Variants in ANKS1B observed in about 807,000 individuals in gnomAD.
The protein encoded by ANKS1B is ankyrin repeat and sterile alpha motif domain-containing protein 1B.
Under a neutral mutation model 148.3 loss-of-function variants are expected in ANKS1B, and 36 were observed. The observed-to-expected ratio is 0.24, with a 90% CI of 0.19 to 0.32. The LOEUF is 0.32. Ranked by LOEUF, ANKS1B falls within the 10% of genes least tolerant of loss-of-function variation. The pLI, the probability that ANKS1B is intolerant of heterozygous loss-of-function variation, is 1.00. For synonymous variants in ANKS1B, 542 were observed against 560.8 expected (o/e 0.97, Z 0.47); for missense variants, 1,157 against 1,542.6 (o/e 0.75, Z 4.19).
intron 19 of ANKS1B, among the ~76,000 whole-genome samples, chr12:98,826,755 G>C (rs979751554): frequency 3.9e-5 from 6 of 152,148 alleles, no homozygotes; most frequent in African/African-American, 1.4e-4. Flanking sequence ...AAACTCCTTG[G>C]GAAAGAACTG....
chr12:99,825,238 C>T (rs896039837), intron 2 of ANKS1B, 71 bp downstream of exon 2: 11 of 1,301,186 alleles, frequency 8.5e-6, no homozygotes, highest in Admixed American at 2.0e-5. Flanking sequence ...AGAAAGGTAT[C>T]GTCAAGACAT....
At chr12:99,788,639 T>C (rs1213945483) in intron 4 of ANKS1B, among the ~76,000 whole-genome samples, 1 of 151,894 alleles carries the variant, frequency 6.6e-6, no homozygotes, top group Non-Finnish European at 1.5e-5. Flanking sequence ...TCGGCCACAG[T>C]AGGAAAAAAC....
intron 17 of ANKS1B, among the ~76,000 whole-genome samples, chr12:98,916,199 G>C (rs2099794161): frequency 6.6e-6 from 1 of 152,354 alleles, no homozygotes; most frequent in Middle Eastern, 3.4e-3. Flanking sequence ...ATTCACTGCT[G>C]AGCTACTGAG....
Position 99,522,803 on chromosome 12 carries a change from G to C in ANKS1B, c.1273-18162C>G, listed in dbSNP as rs1459526813. On this transcript the variant is annotated intron_variant, in intron 9 of 26. Coordinates refer to ENST00000683438, the MANE Select transcript of ANKS1B (RefSeq NM_001352186.2). ...ATATTTCACCTAGAAAGAGTGACAG[G>C]CCTCCACTCTTCAGTGCTAATTAGT... is the stretch of plus-strand genomic sequence containing the variant. 2.0e-5 allele frequency among the ~76,000 whole-genome samples: 3 copies of C among 152,124 alleles called. No homozygotes were observed. The East Asian group carries it at 5.8e-4, about 29-fold the overall frequency.
At chr12:99,607,856 G>A (rs1032744056) in intron 9 of ANKS1B, among the ~76,000 whole-genome samples, 2 of 152,054 alleles carry the variant, frequency 1.3e-5, no homozygotes, top group African/African-American at 4.8e-5. Context: ...GTTTTTTCAT[G>A]TAGTTTGAGG....
chr12:99,052,402 T>C (rs546733952), intron 17 of ANKS1B, among the ~76,000 whole-genome samples: 2 of 152,300 alleles, frequency 1.3e-5, no homozygotes, highest in African/African-American at 4.8e-5. Flanking sequence ...AGCAGTCTCT[T>C]GGAGTGTGGG....
intron 9 of ANKS1B, among the ~76,000 whole-genome samples, chr12:99,513,498 T>C (rs1043533108): frequency 1.3e-5 from 2 of 152,088 alleles, no homozygotes; most frequent in African/African-American, 4.8e-5. Context: ...AAGGCATTAA[T>C]TATTAACTTC....
intron 1 of ANKS1B, among the ~76,000 whole-genome samples, chr12:99,963,968 CT>C (rs2095451749): frequency 1.3e-5 from 2 of 152,156 alleles, no homozygotes; most frequent in Admixed American, 6.5e-5. Context: ...TTTTATAACT[CT>C]TTTTCGGCAT....
chr12:98,745,954 C>T (rs972688791), intron 26 of ANKS1B, 105 bp from the exon 27 acceptor site: 2 of 1,257,372 alleles, frequency 1.6e-6, no homozygotes, highest in East Asian at 2.7e-5. Context: ...GCCCCAGGCG[C>T]GGGGCGGCGA....
At chr12:99,592,218 T>G in intron 9 of ANKS1B, among the ~76,000 whole-genome samples, 1 of 152,176 alleles carries the variant, frequency 6.6e-6, no homozygotes, top group Non-Finnish European at 1.5e-5. Flanking sequence ...TAGAACCATC[T>G]TGGTGGTTGA....
chr12:99,751,649 G>T (rs1303711747), intron 8 of ANKS1B, among the ~76,000 whole-genome samples: 1 of 151,944 alleles, frequency 6.6e-6, no homozygotes, highest in Non-Finnish European at 1.5e-5. Flanking sequence ...TATGTGGCAG[G>T]CCCCATACCA....
chr12:99,061,547 C>G (rs1021723320), intron 16 of ANKS1B, among the ~76,000 whole-genome samples: 4 of 152,188 alleles, frequency 2.6e-5, no homozygotes, highest in Non-Finnish European at 5.9e-5. Context: ...GACAGAACAA[C>G]AAATAGAAGG....
intron 8 of ANKS1B, among the ~76,000 whole-genome samples, chr12:99,703,614 T>C (rs1419954309): frequency 6.6e-6 from 1 of 152,130 alleles, no homozygotes; most frequent in African/African-American, 2.4e-5. Flanking sequence ...ACACTGCTTT[T>C]GTGAAGTCAT....
intron 17 of ANKS1B, among the ~76,000 whole-genome samples, chr12:98,851,534 C>T (rs2099526054): frequency 6.6e-6 from 1 of 152,060 alleles, no homozygotes; most frequent in Admixed American, 6.5e-5. Context: ...TAAGGGGGAA[C>T]CATATGTGTG....
At chr12:99,887,088 G>A (rs2092862371) in intron 1 of ANKS1B, among the ~76,000 whole-genome samples, 1 of 152,136 alleles carries the variant, frequency 6.6e-6, no homozygotes, top group Non-Finnish European at 1.5e-5. Flanking sequence ...GTAGGTACGT[G>A]GGGTATTAAT....
chr12:99,969,462 G>A (rs942438307), intron 1 of ANKS1B, among the ~76,000 whole-genome samples: 8 of 152,152 alleles, frequency 5.3e-5, no homozygotes, highest in Non-Finnish European at 1.2e-4. Flanking sequence ...GGGATTACGG[G>A]TGTGAGTCAA....
intron 14 of ANKS1B, among the ~76,000 whole-genome samples, chr12:99,192,008 T>G (rs572609246): frequency 2.8e-4 from 43 of 151,744 alleles, no homozygotes; most frequent in Non-Finnish European, 1.5e-5. Context: ...GGCAGGCAAC[T>G]GTAACCCCAG....
intron 8 of ANKS1B, among the ~76,000 whole-genome samples, chr12:99,772,101 C>T (rs1181771904): frequency 6.6e-6 from 1 of 152,030 alleles, no homozygotes; most frequent in Non-Finnish European, 1.5e-5. Context: ...CCTTCCTCTA[C>T]AGGACAAAAA....
intron 9 of ANKS1B, among the ~76,000 whole-genome samples, chr12:99,579,783 C>T (rs1247190581): frequency 6.6e-6 from 1 of 152,126 alleles, no homozygotes; most frequent in African/African-American, 2.4e-5. Context: ...TAGCAGAAAG[C>T]AGTCTGGAAA....
Sources: gnomAD v4.1 joint callset for allele counts (sites outside exome capture counted in the v4.1 genomes callset) on GRCh38, gnomAD v4.1.1 for gene constraint, MANE v1.5 for transcripts, NCBI Gene and HGNC (gene_info 2026-07-23, HGNC 2026-07-21) for gene names.